ERBIN: variants seen among roughly 807,000 people sequenced by gnomAD.
The protein encoded by ERBIN is erbb2 interacting protein, also known as densin-180-like protein.
A neutral mutation model predicts 158.4 loss-of-function variants in ERBIN; 60 were observed. That is an observed-to-expected ratio of 0.38 (90% confidence interval 0.31 to 0.47). ERBIN has a LOEUF of 0.47. Among genes scored for constraint, ERBIN ranks in the 20% least tolerant of loss-of-function variants. The pLI, the probability that ERBIN is intolerant of heterozygous loss-of-function variation, is 0.99. For missense variants in ERBIN, 1,610 were observed against 1,648.0 expected, an observed-to-expected ratio of 0.98 and a Z score of 0.40; for synonymous variants, 594 against 557.2, an observed-to-expected ratio of 1.07 and a Z score of -0.93.
intron 3 of ERBIN, 85 bp downstream of exon 3, chr5:65,992,992 C>A: frequency 9.2e-7 from 1 of 1,089,304 alleles, no homozygotes; most frequent in Non-Finnish European, 1.2e-6. Context: ...TATAAAGTTG[C>A]CAATATATTT....
At chr5:65,952,095 G>A (rs1341330115) in intron 1 of ERBIN, among the ~76,000 whole-genome samples, 1 of 152,148 alleles carries the variant, frequency 6.6e-6, no homozygotes, top group African/African-American at 2.4e-5. Flanking sequence ...CCAGACAGAT[G>A]GCCCTAAGTA....
intron 1 of ERBIN, among the ~76,000 whole-genome samples, chr5:65,948,770 T>TTTG (rs1331679305): frequency 1.4e-5 from 2 of 142,592 alleles, no homozygotes; most frequent in East Asian, 2.0e-4. Flanking sequence ...GCGTTTTTTT[T>TTTG]TTTTTTTTTT....
intron 25 of ERBIN, among the ~76,000 whole-genome samples, chr5:66,077,799 C>T (rs890301893): frequency 2.8e-5 from 4 of 143,974 alleles, no homozygotes; most frequent in East Asian, 2.0e-4. Context: ...CACACATACA[C>T]ACACACACAC....
At chr5:65,992,640 T>G (rs996359974) in intron 2 of ERBIN, 70 bp from the exon 3 acceptor site, 11 of 1,137,804 alleles carry the variant, frequency 9.7e-6, no homozygotes, top group South Asian at 1.6e-5. Flanking sequence ...TGTGATAGAT[T>G]GGAATGATTT....
At chr5:65,966,832 ATATGGAGG>A (rs1427354994) in intron 1 of ERBIN, among the ~76,000 whole-genome samples, 4 of 152,086 alleles carry the variant, frequency 2.6e-5, no homozygotes, top group Non-Finnish European at 2.9e-5. Context: ...GTCAGACAAG[ATATGGAGG>A]TGGAAGACGG....
intron 13 of ERBIN, among the ~76,000 whole-genome samples, 156 bp downstream of exon 13, chr5:66,026,573 C>CT (rs1411975521): frequency 6.6e-6 from 1 of 151,882 alleles, no homozygotes; most frequent in Admixed American, 6.6e-5. Context: ...GAAAGTGTGA[C>CT]TTTCAGTGAA....
chr5:65,987,367 T>TACACACACACACAC (rs56222591), intron 1 of ERBIN, among the ~76,000 whole-genome samples: 33,439 of 135,504 alleles, frequency 0.25, 4,492 homozygotes, highest in African/African-American at 0.3. Context: ...AGAGACTGTC[T>TACACACACACACAC]ACACACACAC....
chr5:66,004,069 C>A (rs1753295311), intron 4 of ERBIN, among the ~76,000 whole-genome samples: 1 of 149,364 alleles, frequency 6.7e-6, no homozygotes, highest in African/African-American at 2.5e-5. Context: ...TCCTGAGTAG[C>A]TGGGACTACA....
intron 1 of ERBIN, among the ~76,000 whole-genome samples, chr5:65,986,887 A>C (rs538868659): frequency 5.9e-5 from 9 of 152,332 alleles, no homozygotes; most frequent in African/African-American, 2.2e-4. Flanking sequence ...TTGCTTAGCA[A>C]TGCTGTTTGA....
chr5:66,077,867 A>G (rs978506474), intron 25 of ERBIN, among the ~76,000 whole-genome samples: 6 of 151,674 alleles, frequency 4.0e-5, no homozygotes, highest in African/African-American at 9.7e-5. Flanking sequence ...TTGGGTTTCA[A>G]TTTGTGACTG....
At chr5:66,046,274 C>T in intron 17 of ERBIN, 79 bp from the exon 18 acceptor site, 1 of 876,556 alleles carries the variant, frequency 1.1e-6, no homozygotes, top group Non-Finnish European at 1.6e-6. Flanking sequence ...TGGCAAATTG[C>T]TTACAAATTT....
chr5:66,027,937 A>G (rs979675145), intron 13 of ERBIN, among the ~76,000 whole-genome samples: 1 of 152,074 alleles, frequency 6.6e-6, no homozygotes, highest in African/African-American at 2.4e-5. Context: ...AAATAAACCA[A>G]AGCAATGTTA....
intron 17 of ERBIN, among the ~76,000 whole-genome samples, chr5:66,045,411 G>C (rs1435585263): frequency 6.9e-6 from 1 of 145,786 alleles, no homozygotes. Flanking sequence ...ATTACATATA[G>C]CCTATATGTA....
Position 66,078,596 on chromosome 5 carries a change from A to G in ERBIN, c.*66A>G. The G allele has an allele frequency of 1.1e-6, 1 of 933,638 alleles. No homozygotes were observed. The highest frequency in any genetic ancestry group is 2.5e-5 in the East Asian group (1 of 39,598). 57.8% of individuals were successfully genotyped at this position (933,638 alleles called of 1,614,324 possible). On this transcript the variant is annotated 3_prime_UTR_variant, in exon 26 of 26. Transcript: ENST00000284037. ...TTGGAAGATACTTACAGGGGAAATTAATATTTTGACTATTTTTATATATAA... is the reference window on the plus strand; with the variant it reads ...TTGGAAGATACTTACAGGGGAAATTGATATTTTGACTATTTTTATATATAA...
At chr5:66,046,210 A>G in intron 17 of ERBIN, 143 bp from the exon 18 acceptor site, 1 of 438,700 alleles carries the variant, frequency 2.3e-6, no homozygotes, top group Admixed American at 3.9e-5. Flanking sequence ...TGTGAGTGTC[A>G]CAGGTTTCTA....
intron 21 of ERBIN, among the ~76,000 whole-genome samples, chr5:66,069,791 T>A (rs1261661197): frequency 6.6e-6 from 1 of 152,154 alleles, no homozygotes; most frequent in African/African-American, 2.4e-5. Flanking sequence ...CCCCATAGTT[T>A]CCTTGTGAAG....
chr5:65,978,562 T>A (rs1235892995), intron 1 of ERBIN, among the ~76,000 whole-genome samples: 1 of 152,212 alleles, frequency 6.6e-6, no homozygotes, highest in African/African-American at 2.4e-5. Flanking sequence ...GAGTTCTGTG[T>A]AGGTGAATGT....
intron 22 of ERBIN, 94 bp downstream of exon 22, chr5:66,072,385 C>CT: frequency 4.0e-6 from 5 of 1,263,192 alleles, no homozygotes; most frequent in Non-Finnish European, 5.2e-6. Flanking sequence ...GATGAAAATA[C>CT]TTTTTTGAGG....
intron 4 of ERBIN, among the ~76,000 whole-genome samples, chr5:65,996,295 T>C (rs946028179): frequency 1.3e-5 from 2 of 148,716 alleles, no homozygotes; most frequent in African/African-American, 2.5e-5. Context: ...GTTAAGTCTT[T>C]AATCCATTTT....
Sources: allele counts gnomAD v4.1 joint callset (sites outside exome capture counted in the v4.1 genomes callset), GRCh38; gene constraint gnomAD v4.1.1; transcripts MANE v1.5; gene names NCBI Gene and HGNC (gene_info 2026-07-23, HGNC 2026-07-21).